CHD2: variants seen among roughly 807,000 people sequenced by gnomAD.
CHD2 encodes ATP-dependent chromatin remodeler CHD2.
In CHD2, 28 loss-of-function variants were observed where a neutral mutation model predicts 243.9. That is an observed-to-expected ratio of 0.11 (90% CI 0.09 to 0.16). CHD2 has a LOEUF of 0.16. Ranked by LOEUF, CHD2 falls within the 10% of genes least tolerant of loss-of-function variation. The probability of loss-of-function intolerance (pLI) is 1.00; values close to 1 mark genes in which losing one functional copy is unlikely to be tolerated. For synonymous variants in CHD2, 775 were observed against 779.0 expected (o/e 0.99, Z 0.09); for missense variants, 1,386 against 2,209.8 (o/e 0.63, Z 7.47).
chr15:93,002,143 T>G, intron 32 of CHD2, 34 bp from the exon 33 acceptor site: 1 of 1,569,964 alleles, frequency 6.4e-7, no homozygotes, highest in Non-Finnish European at 8.6e-7. Context: ...ATAAAATTTG[T>G]AGCAAAAATT....
intron 16 of CHD2, among the ~76,000 whole-genome samples, chr15:92,959,160 C>T (rs2053653971): frequency 6.6e-6 from 1 of 152,146 alleles, no homozygotes; most frequent in African/African-American, 2.4e-5. Flanking sequence ...CACAGATTTG[C>T]CTAACCTATG....
At chr15:92,985,721 G>GT (rs1223703097) in intron 26 of CHD2, 48 bp downstream of exon 26, 13 of 1,565,414 alleles carry the variant, frequency 8.3e-6, no homozygotes, top group East Asian at 4.5e-5. Context: ...AGTGCGTACT[G>GT]TAAGTCTTGG....
intron 16 of CHD2, among the ~76,000 whole-genome samples, chr15:92,964,135 A>G (rs2053724805): frequency 6.6e-6 from 1 of 152,244 alleles, no homozygotes; most frequent in Non-Finnish European, 1.5e-5. Context: ...TTTATCATTC[A>G]GGGAGTCTCT....
chr15:93,004,800 C>T, intron 34 of CHD2, 49 bp downstream of exon 34: 1 of 1,587,104 alleles, frequency 6.3e-7, no homozygotes, highest in South Asian at 1.1e-5. Context: ...GCGGTACTTG[C>T]TGTGGCTCTG....
In CHD2 at chr15:93,027,226, C is replaced by G. The variant is rs2054593541; in HGVS notation, c.*2521C>G. The stretch of plus-strand genomic sequence containing the variant: ...AAAAATTTGCACAGGTAAATTCTCT[C>G]ACTTGTGAATGGGAGAAGCTGCCCC... On this transcript the variant is annotated 3_prime_UTR_variant, in exon 39 of 39. Transcript: ENST00000394196. 1 of 152,502 alleles carries G rather than the reference C, an allele frequency of 6.6e-6. No homozygotes were observed. The highest frequency in any genetic ancestry group is 2.1e-4 in the South Asian group (1 of 4,830). 9.4% of individuals were successfully genotyped at this position (152,502 alleles called of 1,614,324 possible). A position where few individuals can be genotyped will look rare whatever the true frequency, so the allele number is the denominator to read the frequency against.
intron 12 of CHD2, among the ~76,000 whole-genome samples, chr15:92,948,267 C>T (rs1279971206): frequency 2.0e-5 from 3 of 152,076 alleles, no homozygotes; most frequent in Non-Finnish European, 2.9e-5. Context: ...TGGTGAAGAT[C>T]AACTGTATTT....
chr15:92,967,013 G>T (rs10152428), intron 16 of CHD2, among the ~76,000 whole-genome samples: 1 of 152,102 alleles, frequency 6.6e-6, no homozygotes, highest in African/African-American at 2.4e-5. Flanking sequence ...TATATCTGAC[G>T]TTCCATCTTA....
At chr15:92,961,718 T>C (rs889103955) in intron 16 of CHD2, among the ~76,000 whole-genome samples, 1 of 152,150 alleles carries the variant, frequency 6.6e-6, no homozygotes, top group African/African-American at 2.4e-5. Flanking sequence ...GGTAGATTCT[T>C]TTAAGGATCA....
chr15:92,997,122 GA>G lies in CHD2; in HGVS notation c.3734+28del. 2 of 1,606,910 alleles carry G rather than the reference GA, an allele frequency of 1.2e-6. No homozygotes were observed. Among genetic ancestry groups the G allele is most frequent in the Non-Finnish European group, 1.7e-6 (2 of 1,177,844 alleles). On this transcript the variant is annotated intron_variant, in intron 29 of 38. Transcript: ENST00000394196. This position sits in a 1 kb window ranked among gnomAD's most constrained non-coding sequence, Gnocchi z 4.1. Reference sequence around the variant, plus strand: ...TGAGTATATTTTGTGTACATGCTTAGATGGTCGTACCGTAAGAAAATAGATT... The same window carrying G: ...TGAGTATATTTTGTGTACATGCTTAGTGGTCGTACCGTAAGAAAATAGATT...
At chr15:92,919,704 TA>T (rs1249005515) in intron 2 of CHD2, among the ~76,000 whole-genome samples, 1 of 152,212 alleles carries the variant, frequency 6.6e-6, no homozygotes, top group Non-Finnish European at 1.5e-5. Flanking sequence ...AAACACTTTT[TA>T]AAAACACTCA....
intron 23 of CHD2, among the ~76,000 whole-genome samples, 186 bp downstream of exon 23, chr15:92,981,097 C>T (rs1159795255): frequency 6.6e-6 from 1 of 152,170 alleles, no homozygotes; most frequent in Non-Finnish European, 1.5e-5. Flanking sequence ...ATTAATAAAG[C>T]ATTCGAGTAT....
At chr15:92,920,258 G>A (rs2052929321) in intron 2 of CHD2, among the ~76,000 whole-genome samples, 1 of 152,034 alleles carries the variant, frequency 6.6e-6, no homozygotes, top group South Asian at 2.1e-4. Flanking sequence ...TAGAAAGAAA[G>A]ATATTTATGG....
chr15:92,969,255 T>C (rs1056461862), intron 17 of CHD2, among the ~76,000 whole-genome samples: 2 of 152,232 alleles, frequency 1.3e-5, no homozygotes, highest in Non-Finnish European at 2.9e-5. Flanking sequence ...CTGGCTAATA[T>C]TCTGTTGCCT....
intron 8 of CHD2, 75 bp from the exon 9 acceptor site, chr15:92,942,768 T>G (rs2053403617): frequency 7.6e-6 from 9 of 1,183,702 alleles, no homozygotes; most frequent in Non-Finnish European, 9.3e-6. Flanking sequence ...AGTCTTCAGA[T>G]AATTGCATTC....
At position 92,986,482 on chromosome 15, in the gene CHD2, G is replaced by C. The variant is rs140320334; in HGVS notation, c.3413+809G>C. Among the ~76,000 whole-genome samples the C allele has an allele frequency of 4.7e-3, 711 of 152,028 alleles. 3 individuals carry two copies. Among genetic ancestry groups the C allele is most frequent in the South Asian group, 0.021 (101 of 4,818 alleles). ...TTGTTTAATTTACTATGGAAAAATA[G>C]AAATATTTCAAAATACTGACAGAAT... On this transcript the variant is annotated intron_variant, in intron 26 of 38. Transcript: ENST00000394196.
intron 6 of CHD2, 116 bp downstream of exon 6, chr15:92,937,741 C>A (rs568534175): frequency 6.5e-4 from 465 of 710,768 alleles, no homozygotes; most frequent in Non-Finnish European, 9.5e-4. Flanking sequence ...TTTGATTCTG[C>A]GTTTTAGATA....
intron 38 of CHD2, among the ~76,000 whole-genome samples, chr15:93,024,158 T>TTTAC (rs559995137): frequency 6.6e-6 from 1 of 151,740 alleles, no homozygotes; most frequent in Non-Finnish European, 1.5e-5. Flanking sequence ...TTTTCAAGTG[T>TTTAC]GTACTTGTGT....
At chr15:92,952,144 C>A (rs527535651) in intron 13 of CHD2, among the ~76,000 whole-genome samples, 2 of 152,178 alleles carry the variant, frequency 1.3e-5, no homozygotes, top group African/African-American at 4.8e-5. Context: ...ATTTTCCTAA[C>A]TCTGGCTGTT....
At chr15:93,013,471 TC>T (rs2054417999) in intron 36 of CHD2, among the ~76,000 whole-genome samples, 1 of 152,196 alleles carries the variant, frequency 6.6e-6, no homozygotes, top group South Asian at 2.1e-4. Flanking sequence ...AACAGTGGTA[TC>T]CTACTAGTGG....
Sources: allele counts gnomAD v4.1 joint callset (sites outside exome capture counted in the v4.1 genomes callset), GRCh38; gene constraint gnomAD v4.1.1; non-coding constraint Gnocchi (gnomAD v3.1); transcripts MANE v1.5; gene names NCBI Gene and HGNC (gene_info 2026-07-23, HGNC 2026-07-21).